The following IBA57 variants were observed in gnomAD, a reference collection of about 807,000 sequenced individuals.
IBA57 encodes the protein iron-sulfur cluster assembly factor IBA57.
Under a neutral mutation model 20.4 loss-of-function variants are expected in IBA57, and 20 were observed. That is an observed-to-expected ratio of 0.98 (90% CI 0.69 to 1.42). The LOEUF is 1.42. Among genes scored for constraint, IBA57 ranks in the 40% most tolerant of loss-of-function variants. The probability of loss-of-function intolerance (pLI) is 0.00; values close to 1 mark genes in which losing one functional copy is unlikely to be tolerated. For missense variants in IBA57, 608 were observed against 499.3 expected, an observed-to-expected ratio of 1.22 and a Z score of -2.07; for synonymous variants, 310 against 233.9, an observed-to-expected ratio of 1.33 and a Z score of -2.97.
At chr1:228,169,319 G>T (rs527946681) in intron 1 of IBA57, among the ~76,000 whole-genome samples, 2 of 152,176 alleles carry the variant, frequency 1.3e-5, no homozygotes, top group African/African-American at 4.8e-5. Flanking sequence ...ATATCATCCT[G>T]AGCCATCGCT....
Position 228,175,013 on chromosome 1 carries a change from G to A in IBA57, c.663G>A (p.Gln221=), listed in dbSNP as rs756032476. The A allele has an allele frequency of 3.2e-6, 5 of 1,552,772 alleles. No homozygotes were observed. The highest frequency in any genetic ancestry group is 4.4e-6 in the Non-Finnish European group (5 of 1,146,694). Residue 221 remains glutamine (Q), a synonymous_variant, in exon 2 of 3, where the codon CAG becomes CAA. Transcript: ENST00000366711. ...GRLGDLWDYH[Q]HRYLQGVPEG... ...TCGGGGACTTGTGGGATTATCACCA[G>A]CACCGATACCTGCAAGGTATGGGTG...
In IBA57 at chr1:228,175,530, G is replaced by A. The variant is rs1306480748; in HGVS notation, c.*17G>A. ...TCCAAGTAGTCCGAAGCCTTGGCTG[G>A]CGCAGGCTGATGGGGAGGCTGGGGC... On this transcript the variant is annotated 3_prime_UTR_variant, in exon 3 of 3. Transcript: ENST00000366711. 10 of 1,538,582 alleles carry A rather than the reference G, an allele frequency of 6.5e-6. No individual in the cohort carries two copies. The highest frequency in any genetic ancestry group is 2.5e-5 in the South Asian group (2 of 78,974).
chr1:228,174,116 T>G (rs572958593), intron 1 of IBA57, among the ~76,000 whole-genome samples: 4 of 149,840 alleles, frequency 2.7e-5, no homozygotes, highest in Admixed American at 2.0e-4. Context: ...GGTGTGGCTG[T>G]GGGCGTGGCT....
In IBA57 at chr1:228,175,106, C is replaced by G; in HGVS notation, c.680-16C>G. ...ATGTTCAATTCTCGCTGGTTTCCCC[C>G]CTCCAATCCCTGCAGGCGTTCCTGA... is the stretch of plus-strand genomic sequence containing the variant. On this transcript the variant is annotated splice_polypyrimidine_tract_variant and intron_variant, in intron 2 of 2. Coordinates refer to ENST00000366711, the MANE Select transcript of IBA57 (RefSeq NM_001010867.4). 1.2e-6 allele frequency: 2 copies of G among 1,605,312 alleles called. No individual in the cohort carries two copies. Among genetic ancestry groups the G allele is most frequent in the South Asian group, 1.1e-5 (1 of 90,346 alleles).
chr1:228,170,031 T>G lies in IBA57; in HGVS notation c.341+3874T>G, dbSNP rs2034901269. On this transcript the variant is annotated intron_variant, in intron 1 of 2. Transcript: ENST00000366711. This position sits in a 1 kb window ranked among gnomAD's most constrained non-coding sequence, Gnocchi z 4.8. ...ACAGGCATGCACCACCACGCCCAGC[T>G]AATTTTTGTATCTTTTTTTAGTAGA... Among the ~76,000 whole-genome samples the G allele has an allele frequency of 6.6e-6, 1 of 152,060 alleles. No individual in the cohort carries two copies. Among genetic ancestry groups the G allele is most frequent in the Non-Finnish European group, 1.5e-5 (1 of 68,024 alleles).
At position 228,166,144 on chromosome 1, in the gene IBA57, G is replaced by A. The variant is rs1279830331; in HGVS notation, c.328G>A (p.Val110Ile). 2.0e-6 allele frequency: 3 copies of A among 1,517,858 alleles called. No individual in the cohort carries two copies. The highest frequency in any genetic ancestry group is 1.7e-4 in the Middle Eastern group (1 of 5,830). 94.0% of individuals were successfully genotyped at this position (1,517,858 alleles called of 1,614,324 possible). A position where few individuals can be genotyped will look rare whatever the true frequency, so the allele number is the denominator to read the frequency against. Residue 110 changes from valine (V) to isoleucine (I), a missense_variant, in exon 1 of 3, where the codon GTC (valine) becomes ATC (isoleucine). Transcript: ENST00000366711. ...LNVQGRTLYD[V>I]ILYGLQEHSE... ...CGTGCAGGGCCGGACGCTCTATGAC[G>A]TCATCTTGTACGGGTGAGCGCGTGC...
rs374967019 is a variant in IBA57, at chr1:228,174,656, G to T, written c.342-36G>T. On this transcript the variant is annotated intron_variant, in intron 1 of 2. Transcript: ENST00000366711. ...CAGCCCTTTCTGGCCCACTCAGTTG[G>T]TGAGCTGCCATGCGCCCCTGCCTCT... 1.6e-5 allele frequency: 23 copies of T among 1,481,928 alleles called. No individual in the cohort carries two copies. In the African/African-American group the frequency reaches 2.9e-4, roughly 19 times the overall value. 91.8% of individuals were successfully genotyped at this position (1,481,928 alleles called of 1,614,324 possible).
At chr1:228,167,419 C>T (rs538500484) in intron 1 of IBA57, among the ~76,000 whole-genome samples, 1 of 148,938 alleles carries the variant, frequency 6.7e-6, no homozygotes, top group East Asian at 2.0e-4. Context: ...TGCAATGGCA[C>T]AATCTTGGCT....
chr1:228,169,742 TC>T (rs1483260834), intron 1 of IBA57, among the ~76,000 whole-genome samples: 1 of 152,220 alleles, frequency 6.6e-6, no homozygotes, highest in Non-Finnish European at 1.5e-5. Flanking sequence ...TTTCAGTGTC[TC>T]CATAGTTTCA....
At chr1:228,169,055 C>T (rs977239917) in intron 1 of IBA57, among the ~76,000 whole-genome samples, 2 of 152,054 alleles carry the variant, frequency 1.3e-5, no homozygotes, top group Admixed American at 6.5e-5. Context: ...GGGCTGCGCT[C>T]GTTGGGCACG....
rs2034999836 is a variant in IBA57, at chr1:228,175,391, G to A, written c.949G>A (p.Val317Met). ...VGKFRAGQGNVGLALLWSEKI... is the reference protein window; with the variant it reads ...VGKFRAGQGNMGLALLWSEKI... ...CAAGTTCAGGGCTGGCCAGGGCAAC[G>A]TGGGGCTGGCCCTGCTGTGGTCAGA... The change falls in exon 3 of 3, where the codon GTG becomes ATG. Residue 317 changes from valine to methionine, a missense_variant. Coordinates refer to ENST00000366711, the MANE Select transcript of IBA57 (RefSeq NM_001010867.4). 3.7e-6 allele frequency: 6 copies of A among 1,612,874 alleles called. No individual in the cohort carries two copies. The highest frequency in any genetic ancestry group is 1.7e-5 in the Admixed American group (1 of 60,020).
At chr1:228,168,164 C>G (rs1018806766) in intron 1 of IBA57, among the ~76,000 whole-genome samples, 9 of 152,186 alleles carry the variant, frequency 5.9e-5, no homozygotes, top group African/African-American at 1.9e-4. Flanking sequence ...TCAGCCTACT[C>G]AACATGGAGA....
chr1:228,172,078 TTTG>T (rs146349457), intron 1 of IBA57: 129,338 of 146,522 alleles, frequency 0.88, 57,106 homozygotes, highest in South Asian at 0.96. Context: ...GTTTTTTTTT[TTTG>T]TTGTTGTTGT....
In IBA57 at chr1:228,176,090, T is replaced by A. The variant is rs1217922145; in HGVS notation, c.*577T>A. On this transcript the variant is annotated 3_prime_UTR_variant, in exon 3 of 3. Transcript: ENST00000366711. ...AAGCACACAGGGATGAGCCACTAGG[T>A]ATCCCATGCTGGAGGCTTGTGGAAG... is the stretch of plus-strand genomic sequence containing the variant. 1 of 152,646 alleles carries A rather than the reference T, an allele frequency of 6.6e-6. No homozygotes were observed. Among genetic ancestry groups the A allele is most frequent in the Admixed American group, 6.5e-5 (1 of 15,280 alleles). The allele number at this position is 152,646 out of a possible 1,614,324, so 9.5% of individuals were successfully genotyped here.
Position 228,170,589 on chromosome 1 carries a change from GGC to G in IBA57, c.342-4102_342-4101del, listed in dbSNP as rs1216276252. On this transcript the variant is annotated intron_variant, in intron 1 of 2. Transcript: ENST00000366711. The surrounding 1 kb of genome is among the most constrained non-coding windows in gnomAD (Gnocchi z 4.8). ...ATTGCGGGCATGAGCCACCATGCCT[GGC>G]CTCCTTAGGGTCCCTTTCTATCAGT... Among the ~76,000 whole-genome samples the G allele has an allele frequency of 3.3e-5, 5 of 152,180 alleles. No homozygotes were observed. The highest frequency in any genetic ancestry group is 5.9e-5 in the Non-Finnish European group (4 of 68,032).
rs1354063638 is a variant in IBA57, at chr1:228,175,511, T to C, written c.1069T>C (p.Ter357GlnextTer9). The change falls in exon 3 of 3, where the codon TAG becomes CAG. Residue 357 changes from the stop codon to glutamine (Q), a stop_lost. Transcript: ENST00000366711. ...VPDWWPTVSK[*>Q] ...AGACTGGTGGCCTACAGTCTCCAAG[T>C]AGTCCGAAGCCTTGGCTGGCGCAGG... 6.4e-7 allele frequency: 1 copy of C among 1,559,028 alleles called. No homozygotes were observed.
rs2035003329 is a variant in IBA57 at position 228,175,509 on chromosome 1, A to T, written c.1067A>T (p.Lys356Met). 6.4e-7 allele frequency: 1 copy of T among 1,559,422 alleles called. No homozygotes were observed. The highest frequency in any genetic ancestry group is 1.4e-5 in the African/African-American group (1 of 73,612). Reference sequence around the variant, plus strand: ...CCAGACTGGTGGCCTACAGTCTCCAAGTAGTCCGAAGCCTTGGCTGGCGCA... The same window carrying T: ...CCAGACTGGTGGCCTACAGTCTCCATGTAGTCCGAAGCCTTGGCTGGCGCA... Reference protein sequence around the residue: ...SVPDWWPTVSK With the variant: ...SVPDWWPTVSM The change falls in exon 3 of 3, where the codon AAG (lysine) becomes ATG (methionine). Residue 356 changes from lysine to methionine, a missense_variant. By Grantham distance (95) the Lys-to-Met change is moderately conservative (BLOSUM62 -1). Transcript: ENST00000366711.
chr1:228,177,126 T>C lies in IBA57; in HGVS notation c.*1613T>C, dbSNP rs1021673348. On this transcript the variant is annotated 3_prime_UTR_variant, in exon 3 of 3. Transcript: ENST00000366711. ...GTTTTCTCTCCAGCTCAGCCAGGAG[T>C]GGGTGCCTGTGGCCTGTGTCACCAA... is the stretch of plus-strand genomic sequence containing the variant. 1 of 152,192 alleles carries C rather than the reference T, an allele frequency of 6.6e-6. No homozygotes were observed. The highest frequency in any genetic ancestry group is 1.5e-5 in the Non-Finnish European group (1 of 68,092). 9.4% of individuals were successfully genotyped at this position (152,192 alleles called of 1,614,324 possible).
chr1:228,175,654 T>A lies in IBA57; in HGVS notation c.*141T>A. The A allele has an allele frequency of 1.8e-6, 2 of 1,133,984 alleles. No homozygotes were observed. Among genetic ancestry groups the A allele is most frequent in the African/African-American group, 1.6e-5 (1 of 63,450 alleles). 70.2% of individuals were successfully genotyped at this position (1,133,984 alleles called of 1,614,324 possible). On this transcript the variant is annotated 3_prime_UTR_variant, in exon 3 of 3. Coordinates refer to ENST00000366711, the MANE Select transcript of IBA57 (RefSeq NM_001010867.4). Reference sequence around the variant, plus strand: ...TTTCCATCTGGGAAAGTCCCCCTTGTAGGTGCCCTGCCTGGCCCCACCCAT... The same window carrying A: ...TTTCCATCTGGGAAAGTCCCCCTTGAAGGTGCCCTGCCTGGCCCCACCCAT...
Sources: allele counts gnomAD v4.1 joint callset (sites outside exome capture counted in the v4.1 genomes callset), GRCh38; gene constraint gnomAD v4.1.1; non-coding constraint Gnocchi (gnomAD v3.1); transcripts MANE v1.5; gene names NCBI Gene and HGNC (gene_info 2026-07-23, HGNC 2026-07-21).